BANK1: variants seen among roughly 807,000 people sequenced by gnomAD.
BANK1 encodes the protein B-cell scaffold protein with ankyrin repeats.
Under a neutral mutation model 94.5 loss-of-function variants are expected in BANK1, and 95 were observed. That is an observed-to-expected ratio of 1.00 (90% CI 0.85 to 1.19). The LOEUF is 1.19. Ranked by LOEUF, BANK1 falls within the 50% of genes most tolerant of loss-of-function variation. The pLI, the probability that BANK1 is intolerant of heterozygous loss-of-function variation, is 0.00. For missense variants in BANK1, 987 were observed against 932.2 expected (o/e 1.06, Z -0.77); for synonymous variants, 334 against 308.4 (o/e 1.08, Z -0.87).
At chr4:101,900,636 G>A (rs1018692199) in intron 6 of BANK1, among the ~76,000 whole-genome samples, 6 of 151,682 alleles carry the variant, frequency 4.0e-5, no homozygotes, top group African/African-American at 9.7e-5. Context: ...AAGAGAGGAC[G>A]GGTCTGTGTG....
chr4:101,952,481 G>T (rs147395659), intron 7 of BANK1, among the ~76,000 whole-genome samples: 1 of 152,046 alleles, frequency 6.6e-6, no homozygotes, highest in Non-Finnish European at 1.5e-5. Context: ...AAACTTAAGC[G>T]AAAGGACATT....
chr4:101,989,001 CTTATATAACA>C (rs767200792), intron 7 of BANK1, among the ~76,000 whole-genome samples: 2 of 152,058 alleles, frequency 1.3e-5, no homozygotes, highest in Non-Finnish European at 2.9e-5. Flanking sequence ...TATAACATTC[CTTATATAACA>C]TTATATAACA....
rs548504634 is a variant in BANK1 at position 101,993,935 on chromosome 4, A to G, written c.1207-27579A>G. Among the ~76,000 whole-genome samples the G allele has an allele frequency of 2.0e-5, 3 of 152,282 alleles. No homozygotes were observed. The East Asian group carries it at 5.8e-4, about 29-fold the overall frequency. ...TTAATAACAAGCTCACACTGGCTCTATTAGATATTGTTGTCTTTGTCTACA... is the reference window on the plus strand; with the variant it reads ...TTAATAACAAGCTCACACTGGCTCTGTTAGATATTGTTGTCTTTGTCTACA... On this transcript the variant is annotated intron_variant, in intron 7 of 16. Transcript: ENST00000322953.
At chr4:101,957,395 T>C (rs1442169862) in intron 7 of BANK1, among the ~76,000 whole-genome samples, 1 of 152,164 alleles carries the variant, frequency 6.6e-6, no homozygotes, top group African/African-American at 2.4e-5. Flanking sequence ...CAAACTACTG[T>C]CTTGTGATTA....
chr4:101,988,393 C>A (rs1387086969), intron 7 of BANK1, among the ~76,000 whole-genome samples: 1 of 152,120 alleles, frequency 6.6e-6, no homozygotes, highest in Non-Finnish European at 1.5e-5. Flanking sequence ...TGAAGTTATT[C>A]ATAATTACAC....
intron 7 of BANK1, among the ~76,000 whole-genome samples, chr4:101,924,260 T>C (rs1022656821): frequency 6.6e-6 from 1 of 151,818 alleles, no homozygotes; most frequent in Non-Finnish European, 1.5e-5. Context: ...CTGCTTAAAG[T>C]AATCTCTTTC....
intron 7 of BANK1, among the ~76,000 whole-genome samples, chr4:101,958,551 G>A (rs1724450178): frequency 6.9e-6 from 1 of 144,772 alleles, no homozygotes; most frequent in Non-Finnish European, 1.5e-5. Context: ...TATTTTTCCA[G>A]AATTTCAAAG....
At chr4:102,020,929 C>G (rs1726874985) in intron 7 of BANK1, among the ~76,000 whole-genome samples, 1 of 152,100 alleles carries the variant, frequency 6.6e-6, no homozygotes, top group South Asian at 2.1e-4. Context: ...AGATTATAAA[C>G]AAAGACTAGC....
rs113525453 is a variant in BANK1 at position 102,001,525 on chromosome 4, G to A, written c.1207-19989G>A. On this transcript the variant is annotated intron_variant, in intron 7 of 16. Transcript: ENST00000322953. ...TGAGGCAGGAGAATTGCTTGAACCC[G>A]GGAGGCGGAGGTTGCAGTGAGCCGA... Among the ~76,000 whole-genome samples, 1,119 of 152,234 alleles carry A rather than the reference G, an allele frequency of 7.4e-3. 11 individuals are homozygous for A. The highest frequency in any genetic ancestry group is 0.025 in the African/African-American group (1,057 of 41,526).
chr4:101,868,990 T>C (rs1448471161), intron 4 of BANK1, among the ~76,000 whole-genome samples: 1 of 151,904 alleles, frequency 6.6e-6, no homozygotes, highest in Non-Finnish European at 1.5e-5. Flanking sequence ...ACCAGTAAAA[T>C]TTTGAGTTAA....
At chr4:102,012,080 T>G (rs1726530790) in intron 7 of BANK1, among the ~76,000 whole-genome samples, 1 of 152,214 alleles carries the variant, frequency 6.6e-6, no homozygotes, top group Admixed American at 6.5e-5. Context: ...ACTTCTCTGC[T>G]TAATGATACA....
Position 102,046,717 on chromosome 4 carries a change from C to A in BANK1, c.1969+2810C>A, listed in dbSNP as rs932110749. On this transcript the variant is annotated intron_variant, in intron 11 of 16. Transcript: ENST00000322953. ...TGCAGAGAAGAGCTGAAAACTGTAG[C>A]CACAGAAACATCTTCCACAGACAGA... Among the ~76,000 whole-genome samples, 4 of 152,122 alleles carry A rather than the reference C, an allele frequency of 2.6e-5. No individual in the cohort carries two copies. In the East Asian group the frequency reaches 7.7e-4, roughly 29 times the overall value.
At chr4:101,824,131 T>C (rs1272608426) in intron 1 of BANK1, among the ~76,000 whole-genome samples, 2 of 152,094 alleles carry the variant, frequency 1.3e-5, no homozygotes, top group East Asian at 3.9e-4. Flanking sequence ...ATAAGCTGAG[T>C]TATTTACACA....
intron 7 of BANK1, among the ~76,000 whole-genome samples, chr4:101,963,791 C>T (rs1339717054): frequency 6.6e-6 from 1 of 152,104 alleles, no homozygotes; most frequent in Non-Finnish European, 1.5e-5. Context: ...GCACCTGGTA[C>T]TCAATTGACC....
At chr4:102,042,302 G>T (rs1172515390) in intron 10 of BANK1, among the ~76,000 whole-genome samples, 1 of 151,886 alleles carries the variant, frequency 6.6e-6, no homozygotes, top group Admixed American at 6.6e-5. Context: ...AAAAATGTAA[G>T]TAAGCCACAA....
intron 12 of BANK1, among the ~76,000 whole-genome samples, chr4:102,061,192 G>C (rs1053847070): frequency 6.6e-6 from 1 of 152,134 alleles, no homozygotes; most frequent in African/African-American, 2.4e-5. Flanking sequence ...ACTTTCCCAA[G>C]AGATAATTTT....
At chr4:102,053,405 C>T (rs185495574) in intron 11 of BANK1, among the ~76,000 whole-genome samples, 1,705 of 152,002 alleles carry the variant, frequency 0.011, 34 homozygotes, top group Non-Finnish European at 0.013. Flanking sequence ...ACATTTTCTA[C>T]TAAAATAAAT....
intron 2 of BANK1, among the ~76,000 whole-genome samples, chr4:101,840,364 A>G (rs1726999498): frequency 6.6e-6 from 1 of 152,166 alleles, no homozygotes; most frequent in African/African-American, 2.4e-5. Context: ...AAAAAAATAT[A>G]TTTTTGTTGG....
At chr4:101,799,952 A>G (rs1490656726) in intron 1 of BANK1, among the ~76,000 whole-genome samples, 3 of 152,176 alleles carry the variant, frequency 2.0e-5, no homozygotes, top group Non-Finnish European at 4.4e-5. Context: ...CTATGCAGCC[A>G]TGAAAAGGAT....
Sources: allele counts gnomAD v4.1 joint callset (sites outside exome capture counted in the v4.1 genomes callset), GRCh38; gene constraint gnomAD v4.1.1; transcripts MANE v1.5; gene names NCBI Gene and HGNC (gene_info 2026-07-23, HGNC 2026-07-21).